Variants in HOMER2 observed in about 807,000 individuals in gnomAD.
The protein encoded by HOMER2 is homer protein homolog 2.
Under a neutral mutation model 47.0 loss-of-function variants are expected in HOMER2, and 27 were observed. The ratio of observed to expected loss-of-function variants is 0.57; its 90% CI spans 0.42 to 0.79. The LOEUF (loss-of-function observed/expected upper bound fraction) is 0.79, where lower values mean the gene tolerates loss of function less well. Among genes scored for constraint, HOMER2 ranks in the 30% least tolerant of loss-of-function variants. HOMER2 has a pLI of 0.00. For synonymous variants in HOMER2, 161 were observed against 163.8 expected (o/e 0.98, Z 0.13); for missense variants, 443 against 435.0 (o/e 1.02, Z -0.16).
intron 1 of HOMER2, among the ~76,000 whole-genome samples, chr15:82,962,258 G>C (rs908707175): frequency 6.6e-6 from 1 of 151,494 alleles, no homozygotes; most frequent in Admixed American, 6.6e-5. Flanking sequence ...CCAGCTACTC[G>C]GGAGGCTGAG....
At chr15:82,936,479 T>C (rs1359261614) in intron 1 of HOMER2, among the ~76,000 whole-genome samples, 2 of 152,242 alleles carry the variant, frequency 1.3e-5, no homozygotes, top group East Asian at 3.8e-4. Context: ...ATTTTTGGTA[T>C]ATTGGATTAA....
chr15:82,931,667 T>C (rs567720982), intron 1 of HOMER2, among the ~76,000 whole-genome samples: 14 of 151,712 alleles, frequency 9.2e-5, no homozygotes, highest in South Asian at 2.1e-4. Flanking sequence ...TGAAACCCCG[T>C]CTCTACTAAA....
intron 3 of HOMER2, among the ~76,000 whole-genome samples, chr15:82,873,732 G>C (rs918017560): frequency 6.6e-6 from 1 of 152,252 alleles, no homozygotes; most frequent in Non-Finnish European, 1.5e-5. Flanking sequence ...GTGCCATCAG[G>C]CCATTTTGGA....
chr15:82,919,694 T>A (rs533430431), intron 1 of HOMER2, among the ~76,000 whole-genome samples: 1 of 152,342 alleles, frequency 6.6e-6, no homozygotes, highest in South Asian at 2.1e-4. Context: ...TTCTTATGAC[T>A]ATATAAATAT....
chr15:82,927,050 C>A (rs1434071369), intron 1 of HOMER2, among the ~76,000 whole-genome samples: 2 of 152,176 alleles, frequency 1.3e-5, no homozygotes, highest in African/African-American at 4.8e-5. Flanking sequence ...ATCACCCCAA[C>A]AAAGTCCCCA....
At chr15:82,968,675 A>G (rs2054698251) in intron 1 of HOMER2, among the ~76,000 whole-genome samples, 1 of 152,242 alleles carries the variant, frequency 6.6e-6, no homozygotes, top group East Asian at 1.9e-4. Flanking sequence ...TTCCTTTTAC[A>G]GGTGCATAGT....
At chr15:82,868,523 T>TTATATATA (rs1244361918) in intron 3 of HOMER2, among the ~76,000 whole-genome samples, 1,002 of 36,630 alleles carry the variant, frequency 0.027, 71 homozygotes, top group African/African-American at 0.059. Context: ...CTTATTTATT[T>TTATATATA]TATATATATA....
intron 3 of HOMER2, among the ~76,000 whole-genome samples, chr15:82,869,642 G>A (rs1248180317): frequency 6.6e-6 from 1 of 151,710 alleles, no homozygotes; most frequent in Non-Finnish European, 1.5e-5. Context: ...ATTTTTAGAG[G>A]AGACAGGGTT....
intron 4 of HOMER2, among the ~76,000 whole-genome samples, chr15:82,862,926 G>A (rs933187053): frequency 4.6e-5 from 7 of 152,124 alleles, no homozygotes; most frequent in Non-Finnish European, 7.4e-5. Context: ...TCTGAGCACC[G>A]ACATATTGGG....
chr15:82,877,594 T>C (rs1236993762), intron 2 of HOMER2, among the ~76,000 whole-genome samples: 1 of 152,226 alleles, frequency 6.6e-6, no homozygotes, highest in Non-Finnish European at 1.5e-5. Flanking sequence ...CCATATCATG[T>C]TGCTTCTCAT....
intron 1 of HOMER2, among the ~76,000 whole-genome samples, chr15:82,946,964 T>C (rs1433515242): frequency 1.3e-5 from 2 of 152,220 alleles, no homozygotes; most frequent in African/African-American, 2.4e-5. Flanking sequence ...GACTATAACA[T>C]TGTGTTTACT....
chr15:82,875,399 G>C lies in HOMER2; in HGVS notation c.168C>G (p.Ile56Met), dbSNP rs1446671598. Reference protein sequence around the residue: ...RIISVDGAKVIINSTITPNMT... With the variant: ...RIISVDGAKVMINSTITPNMT... ...TATTCGGTGTGATTGTGCTGTTTAT[G>C]ATCACCTGCAGAAAAACAGCCCAAA... The change falls in exon 3 of 9, where the codon ATC (isoleucine) becomes ATG (methionine). Residue 56 changes from isoleucine to methionine, a missense_variant. Physicochemically the swap from Ile to Met is conservative, Grantham distance 10. Transcript: ENST00000450735. 6.2e-7 allele frequency: 1 copy of C among 1,613,694 alleles called. No individual in the cohort carries two copies. Among genetic ancestry groups the C allele is most frequent in the Admixed American group, 1.7e-5 (1 of 59,962 alleles).
At chr15:82,953,252 T>C (rs1417005188), upstream of HOMER2, among the ~76,000 whole-genome samples, 2 of 151,904 alleles carry the variant, frequency 1.3e-5, no homozygotes, top group Admixed American at 6.6e-5. Context: ...GAAGCCAGCC[T>C]GGCAGAGAAG....
intron 3 of HOMER2, among the ~76,000 whole-genome samples, chr15:82,872,378 CCA>C (rs1231908913): frequency 6.6e-6 from 1 of 152,158 alleles, no homozygotes; most frequent in Non-Finnish European, 1.5e-5. Context: ...TCTATTCACC[CCA>C]GTTTTGCCAA....
chr15:82,965,234 G>A (rs565500038), intron 1 of HOMER2, among the ~76,000 whole-genome samples: 177 of 152,160 alleles, frequency 1.2e-3, no homozygotes, highest in Non-Finnish European at 2.2e-3. Flanking sequence ...GCCCAGGCTC[G>A]TCTCTAACTG....
At chr15:82,873,010 C>G (rs952188062) in intron 3 of HOMER2, among the ~76,000 whole-genome samples, 24 of 152,220 alleles carry the variant, frequency 1.6e-4, no homozygotes, top group African/African-American at 5.5e-4. Context: ...AGGGGCTGTT[C>G]TATGGATACC....
At chr15:82,896,777 AT>A (rs1338538426) in intron 1 of HOMER2, among the ~76,000 whole-genome samples, 1 of 152,232 alleles carries the variant, frequency 6.6e-6, no homozygotes, top group Non-Finnish European at 1.5e-5. Context: ...GGGATTTCAC[AT>A]GAATAACCAA....
intron 1 of HOMER2, among the ~76,000 whole-genome samples, chr15:82,938,701 A>G (rs2054194423): frequency 6.6e-6 from 1 of 152,120 alleles, no homozygotes; most frequent in Admixed American, 6.5e-5. Context: ...CACTTATTAA[A>G]TGCATTTTGC....
rs71156063 is a variant in HOMER2 at position 82,967,879 on chromosome 15, G to GA, written n.83-8572dup. Among the ~76,000 whole-genome samples, 1,137 of 141,962 alleles carry GA rather than the reference G, an allele frequency of 8.0e-3. 10 individuals are homozygous for GA. Among genetic ancestry groups the GA allele is most frequent in the Non-Finnish European group, 0.01 (664 of 65,200 alleles). 93.1% of individuals were successfully genotyped at this position (141,962 alleles called of 152,430 possible). A position where few individuals can be genotyped will look rare whatever the true frequency, so the allele number is the denominator to read the frequency against. On this transcript the variant is annotated intron_variant and non_coding_transcript_variant, in intron 1 of 1. Coordinates refer to the HOMER2 transcript ENST00000500334. ...GTGACAGAGCAAGACTCTGTCTCAG[G>GA]AAAAAAAAAACCAAACAAACAAAAA... is the stretch of plus-strand genomic sequence containing the variant.
Sources: allele counts gnomAD v4.1 joint callset (sites outside exome capture counted in the v4.1 genomes callset), GRCh38; gene constraint gnomAD v4.1.1; transcripts MANE v1.5; gene names NCBI Gene and HGNC (gene_info 2026-07-23, HGNC 2026-07-21).